Variants in ZKSCAN5 observed in about 807,000 individuals in gnomAD.
ZKSCAN5 encodes the protein zinc finger with KRAB and SCAN domains 5.
ZKSCAN5 carries 28 observed loss-of-function variants against 60.0 expected under a neutral mutation model. The ratio of observed to expected loss-of-function variants is 0.47; its 90% CI spans 0.35 to 0.64. ZKSCAN5 has a LOEUF of 0.64. Ranked by LOEUF, ZKSCAN5 falls within the 30% of genes least tolerant of loss-of-function variation. The pLI, the probability that ZKSCAN5 is intolerant of heterozygous loss-of-function variation, is 0.01. For synonymous variants in ZKSCAN5, 361 were observed against 371.2 expected, an observed-to-expected ratio of 0.97 and a Z score of 0.31; for missense variants, 881 against 1,034.6, an observed-to-expected ratio of 0.85 and a Z score of 2.04.
In ZKSCAN5 at chr7:99,512,536, C is replaced by G. The variant is rs756153802; in HGVS notation, c.498C>G (p.Thr166=). 6.2e-7 allele frequency: 1 copy of G among 1,614,164 alleles called. No homozygotes were observed. Among genetic ancestry groups the G allele is most frequent in the Non-Finnish European group, 8.5e-7 (1 of 1,180,016 alleles). The change falls in exon 3 of 7, where the codon ACC becomes ACG. Residue 166 remains threonine (T), a synonymous_variant. Transcript: ENST00000326775. The stretch of plus-strand genomic sequence containing the variant: ...AGTCCTGCAGCCCCCATCCCCTGAC[C>G]GTGGACACCCAGCCTGAGCAAGCGC... The part of the protein sequence containing the change: ...VQESCSPHPL[T]VDTQPEQAPQ...
chr7:99,515,282 C>T (rs1186655673), intron 3 of ZKSCAN5, among the ~76,000 whole-genome samples: 1 of 151,542 alleles, frequency 6.6e-6, no homozygotes, highest in Non-Finnish European at 1.5e-5. Flanking sequence ...TGGTACATGC[C>T]TGTAATCCCA....
intron 5 of ZKSCAN5, among the ~76,000 whole-genome samples, chr7:99,524,264 G>A (rs1486930733): frequency 6.6e-6 from 1 of 152,082 alleles, no homozygotes; most frequent in East Asian, 1.9e-4. Flanking sequence ...AGTAGAGACA[G>A]GTTTTCATCA....
At position 99,506,344 on chromosome 7, in the gene ZKSCAN5, C is replaced by T; in HGVS notation, c.300C>T (p.Thr100=). 6.2e-7 allele frequency: 1 copy of T among 1,614,212 alleles called. No individual in the cohort carries two copies. Among genetic ancestry groups the T allele is most frequent in the Admixed American group, 1.7e-5 (1 of 60,018 alleles). Residue 100 remains threonine, a synonymous_variant, in exon 2 of 7, where the codon ACC becomes ACT. Transcript: ENST00000326775. The part of the protein sequence containing the change: ...LELLVLEQFL[T]ILPEEFQPWV... ...TGCTGGTGCTGGAGCAGTTCCTGAC[C>T]ATCCTGCCTGAAGAGTTCCAGCCCT...
chr7:99,507,519 ATATG>A (rs1554383813), intron 2 of ZKSCAN5, among the ~76,000 whole-genome samples: 1 of 126,170 alleles, frequency 7.9e-6, no homozygotes, highest in African/African-American at 3.6e-5. Flanking sequence ...ATGTGTGTAT[ATATG>A]TATATGTGTA....
intron 3 of ZKSCAN5, among the ~76,000 whole-genome samples, chr7:99,513,002 A>G (rs1242424085): frequency 9.6e-6 from 1 of 103,700 alleles, no homozygotes; most frequent in Non-Finnish European, 1.8e-5. Flanking sequence ...AACAGTCCCC[A>G]GAGTGTGATG....
Position 99,505,839 on chromosome 7 carries a change from A to G in ZKSCAN5, c.-40-166A>G, listed in dbSNP as rs554568065. On this transcript the variant is annotated intron_variant, in intron 1 of 6. Transcript: ENST00000326775. ...GTGGGTGAAGTGATGGCTACCTTGT[A>G]GTACCTATTTTTAAGTAAATTACTT... 8 of 513,890 alleles carry G rather than the reference A, an allele frequency of 1.6e-5. No homozygotes were observed. In the East Asian group the frequency reaches 2.4e-4, roughly 15 times the overall value. 31.8% of individuals were successfully genotyped at this position (513,890 alleles called of 1,614,324 possible).
rs1340259662 is a variant in ZKSCAN5 at position 99,532,051 on chromosome 7, A to G, written c.2322A>G (p.Gln774=). ...TCTACTCCAGCACAAAATCCCATCAATGTCATGAATGTGGCAGAGGCTTCA... is the reference window on the plus strand; with the variant it reads ...TCTACTCCAGCACAAAATCCCATCAGTGTCATGAATGTGGCAGAGGCTTCA... ...QKIYSSTKSH[Q]CHECGRGFTL... Residue 774 remains glutamine, a synonymous_variant, in exon 7 of 7, where the codon CAA becomes CAG. Transcript: ENST00000326775. 6.2e-7 allele frequency: 1 copy of G among 1,614,074 alleles called. No homozygotes were observed. The highest frequency in any genetic ancestry group is 8.5e-7 in the Non-Finnish European group (1 of 1,180,046).
At position 99,526,102 on chromosome 7, in the gene ZKSCAN5, C is replaced by G. The variant is rs115361099; in HGVS notation, c.1062C>G (p.Phe354Leu). The part of the protein sequence containing the change: ...RGHRCSDCGK[F>L]FLQASNFIQH... ...ACAGATGCAGCGATTGTGGCAAATTCTTCCTCCAAGCCTCAAACTTTATTC... is the reference window on the plus strand; with the variant it reads ...ACAGATGCAGCGATTGTGGCAAATTGTTCCTCCAAGCCTCAAACTTTATTC... Residue 354 changes from phenylalanine to leucine, a missense_variant, in exon 6 of 7, where the codon TTC becomes TTG. Physicochemically the swap from Phe to Leu is conservative, Grantham distance 22. This residue lies in a region of ZKSCAN5 where 490 missense variants were observed against 554.5 expected (regional missense o/e 0.88). Transcript: ENST00000326775. The G allele has an allele frequency of 6.2e-7, 1 of 1,614,212 alleles. No individual in the cohort carries two copies. Among genetic ancestry groups the G allele is most frequent in the South Asian group, 1.1e-5 (1 of 91,086 alleles).
rs1417811697 is a variant in ZKSCAN5 at position 99,520,338 on chromosome 7, T to C, written c.772+34T>C. On this transcript the variant is annotated intron_variant, in intron 5 of 6. Coordinates refer to ENST00000326775, the MANE Select transcript of ZKSCAN5 (RefSeq NM_145102.4). Reference sequence around the variant, plus strand: ...TATTTCATCTGCATGGATTAGGACATGTTTATTTTGTTATCTTGTAAAGAG... The same window carrying C: ...TATTTCATCTGCATGGATTAGGACACGTTTATTTTGTTATCTTGTAAAGAG... 2.5e-6 allele frequency: 4 copies of C among 1,569,704 alleles called. No homozygotes were observed. In the Admixed American group the frequency reaches 8.0e-5, roughly 32 times the overall value.
At chr7:99,509,849 C>T (rs770182542) in intron 2 of ZKSCAN5, among the ~76,000 whole-genome samples, 10 of 152,046 alleles carry the variant, frequency 6.6e-5, no homozygotes, top group Non-Finnish European at 1.3e-4. Context: ...TATTTTTTTA[C>T]CTTTTGGAAA....
At chr7:99,505,602 T>G in intron 1 of ZKSCAN5, 1 of 167,676 alleles carries the variant, frequency 6.0e-6, no homozygotes, top group South Asian at 1.3e-4. Context: ...TTTTGACCAT[T>G]ATAATGATTT....
rs1802088058 is a variant in ZKSCAN5 at position 99,532,233 on chromosome 7, A to G, written c.2504A>G (p.Glu835Gly). 3 of 1,589,120 alleles carry G rather than the reference A, an allele frequency of 1.9e-6. No individual in the cohort carries two copies. Among genetic ancestry groups the G allele is most frequent in the African/African-American group, 2.7e-5 (2 of 73,734 alleles). ...RTDPINTLSVEGSLL is the reference protein window; with the variant it reads ...RTDPINTLSVGGSLL ...GATCCCATAAATACCTTAAGTGTAG[A>G]GGGGTCTCTGTTGTAGAATAGCTCT... is the stretch of plus-strand genomic sequence containing the variant. Residue 835 changes from glutamate to glycine, a missense_variant, in exon 7 of 7, where the codon GAG (glutamate) becomes GGG (glycine). By Grantham distance (98) the Glu-to-Gly change is moderately conservative (BLOSUM62 -2). This residue lies in a region of ZKSCAN5 where 138 missense variants were observed against 143.8 expected (regional missense o/e 0.96). Coordinates refer to ENST00000326775, the MANE Select transcript of ZKSCAN5 (RefSeq NM_145102.4).
rs1032547493 is a variant in ZKSCAN5 at position 99,526,063 on chromosome 7, T to G, written c.1023T>G (p.His341Gln). 2 of 1,614,164 alleles carry G rather than the reference T, an allele frequency of 1.2e-6. No individual in the cohort carries two copies. The highest frequency in any genetic ancestry group is 1.7e-6 in the Non-Finnish European group (2 of 1,180,038). ...ITDISPKQSTHGERGHRCSDC... is the reference protein window; with the variant it reads ...ITDISPKQSTQGERGHRCSDC... ...ACATCAGCCCTAAGCAAAGCACACATGGCGAGAGAGGGCACAGATGCAGCG... is the reference window on the plus strand; with the variant it reads ...ACATCAGCCCTAAGCAAAGCACACAGGGCGAGAGAGGGCACAGATGCAGCG... Residue 341 changes from histidine (H) to glutamine (Q), a missense_variant, in exon 6 of 7, where the codon CAT (histidine) becomes CAG (glutamine). By Grantham distance (24) the His-to-Gln change is conservative (BLOSUM62 0). Around this residue, in one of 5 missense-constraint regions of ZKSCAN5, gnomAD observed 490 missense variants for 554.5 expected, o/e 0.88. Coordinates refer to ENST00000326775, the MANE Select transcript of ZKSCAN5 (RefSeq NM_145102.4).
intron 6 of ZKSCAN5, among the ~76,000 whole-genome samples, chr7:99,530,899 A>G (rs529544143): frequency 6.6e-6 from 1 of 152,232 alleles, no homozygotes; most frequent in South Asian, 2.1e-4. Context: ...TCTACTAAAC[A>G]TACAAAAATT....
At chr7:99,530,540 A>G (rs1801996515) in intron 6 of ZKSCAN5, among the ~76,000 whole-genome samples, 1 of 151,658 alleles carries the variant, frequency 6.6e-6, no homozygotes, top group East Asian at 1.9e-4. Context: ...TGTTAGAGTT[A>G]CTTGTAGATT....
rs931435679 is a variant in ZKSCAN5 at position 99,526,220 on chromosome 7, C to T, written c.1180C>T (p.Arg394Cys). 6 of 1,614,006 alleles carry T rather than the reference C, an allele frequency of 3.7e-6. No individual in the cohort carries two copies. Among genetic ancestry groups the T allele is most frequent in the African/African-American group, 2.7e-5 (2 of 74,906 alleles). Reference protein sequence around the residue: ...NQRVHLTQHQRVHTGEKPYKC... With the variant: ...NQRVHLTQHQCVHTGEKPYKC... The stretch of plus-strand genomic sequence containing the variant: ...GCGGGTGCACCTCACCCAGCACCAG[C>T]GCGTCCACACAGGGGAGAAACCCTA... Residue 394 changes from arginine (R) to cysteine (C), a missense_variant, in exon 6 of 7, where the codon CGC (arginine) becomes TGC (cysteine). Physicochemically the swap from Arg to Cys is radical, Grantham distance 180 (BLOSUM62 -3). Coordinates refer to ENST00000326775, the MANE Select transcript of ZKSCAN5 (RefSeq NM_145102.4).
intron 5 of ZKSCAN5, 55 bp from the exon 6 acceptor site, chr7:99,525,758 A>G: frequency 1.3e-6 from 2 of 1,549,142 alleles, no homozygotes; most frequent in Non-Finnish European, 1.7e-6. Flanking sequence ...CCCTCATTTT[A>G]TTTCTTCAAA....
At chr7:99,528,188 C>CA (rs1801888619) in intron 6 of ZKSCAN5, among the ~76,000 whole-genome samples, 2 of 149,644 alleles carry the variant, frequency 1.3e-5, no homozygotes, top group Admixed American at 6.7e-5. Context: ...CACCATGGCA[C>CA]AGAAGTCAGT....
chr7:99,522,861 G>C (rs1801601461), intron 5 of ZKSCAN5, among the ~76,000 whole-genome samples: 1 of 98,526 alleles, frequency 1.0e-5, no homozygotes, highest in Non-Finnish European at 2.0e-5. Context: ...AGTAGAATAT[G>C]GAGGCAAGGA....
Sources: allele counts gnomAD v4.1 joint callset (sites outside exome capture counted in the v4.1 genomes callset), GRCh38; gene constraint gnomAD v4.1.1; regional missense constraint gnomAD v4.1.1; transcripts MANE v1.5; gene names NCBI Gene and HGNC (gene_info 2026-07-23, HGNC 2026-07-21).